Variants in MTFR2 observed in about 807,000 individuals in gnomAD.
The protein encoded by MTFR2 is DUF729 domain-containing protein 1.
In MTFR2, 44 loss-of-function variants were observed where a neutral mutation model predicts 41.2. The ratio of observed to expected loss-of-function variants is 1.07; its 90% CI spans 0.84 to 1.37. The LOEUF is 1.37. MTFR2 is among the 40% of genes most tolerant of loss of function. The pLI, the probability that MTFR2 is intolerant of heterozygous loss-of-function variation, is 0.00. For missense variants in MTFR2, 452 were observed against 459.5 expected (o/e 0.98, Z 0.15); for synonymous variants, 141 against 154.6 (o/e 0.91, Z 0.65).
rs1191374600 is a variant in MTFR2, at chr6:136,250,279, A to T, written c.-358T>A. The T allele has an allele frequency of 6.6e-6, 1 of 152,606 alleles. No homozygotes were observed. Among genetic ancestry groups the T allele is most frequent in the African/African-American group, 2.4e-5 (1 of 41,450 alleles). 9.5% of individuals were successfully genotyped at this position (152,606 alleles called of 1,614,324 possible). On this transcript the variant is annotated 5_prime_UTR_variant, in exon 1 of 8. Coordinates refer to ENST00000420702, the MANE Select transcript of MTFR2 (RefSeq NM_001099286.3). ...ACCAACCCACCTGCTAGTCCCTAGG[A>T]CCGGACTGCTACTTCCGCATGACAG...
At chr6:136,248,348 C>T (rs948448802) in intron 2 of MTFR2, among the ~76,000 whole-genome samples, 4 of 152,150 alleles carry the variant, frequency 2.6e-5, no homozygotes, top group East Asian at 1.9e-4. Context: ...ATTATCCTCA[C>T]GTGTCAAGGG....
Position 136,239,726 on chromosome 6 carries a change from A to G in MTFR2, c.609T>C (p.Gly203=), listed in dbSNP as rs1413029033. ...GAGGAGGAGGAGGAGAAAGCACTGA[A>G]CCTGGAAGCTGATCTGGGTCCACAC... ...HLSVDPDQLP[G]SVLSPPPPPP... is the part of the protein sequence containing the mutation. Residue 203 remains glycine (G), a synonymous_variant, in exon 6 of 8, where the codon GGT becomes GGC. Transcript: ENST00000420702. 6.2e-7 allele frequency: 1 copy of G among 1,614,068 alleles called. No homozygotes were observed. Among genetic ancestry groups the G allele is most frequent in the Admixed American group, 1.7e-5 (1 of 59,986 alleles).
At chr6:136,234,980 G>A (rs900204649) in intron 6 of MTFR2, among the ~76,000 whole-genome samples, 88 of 152,224 alleles carry the variant, frequency 5.8e-4, no homozygotes, top group Non-Finnish European at 2.6e-4. Flanking sequence ...TCCGCCTCCC[G>A]GGCTCAAACA....
At position 136,241,304 on chromosome 6, in the gene MTFR2, GA is replaced by G; in HGVS notation, c.514+139del. Reference sequence around the variant, plus strand: ...TTAATGTTTTCATGGTACTTATTCAGAATTGTACTCACTTAAATACTAGATG... The same window carrying G: ...TTAATGTTTTCATGGTACTTATTCAGATTGTACTCACTTAAATACTAGATG... On this transcript the variant is annotated intron_variant, in intron 5 of 7. Coordinates refer to ENST00000420702, the MANE Select transcript of MTFR2 (RefSeq NM_001099286.3). The G allele has an allele frequency of 4.7e-6, 3 of 634,682 alleles. No individual in the cohort carries two copies. The South Asian group carries it at 6.4e-5, about 14-fold the overall frequency. 39.3% of individuals were successfully genotyped at this position (634,682 alleles called of 1,614,324 possible).
At chr6:136,236,069 G>A (rs1247897385) in intron 6 of MTFR2, among the ~76,000 whole-genome samples, 1 of 152,228 alleles carries the variant, frequency 6.6e-6, no homozygotes, top group Non-Finnish European at 1.5e-5. Flanking sequence ...AGTTTTCAAT[G>A]GAGTTTTCAT....
At chr6:136,240,909 G>A (rs901637896) in intron 5 of MTFR2, among the ~76,000 whole-genome samples, 6 of 152,120 alleles carry the variant, frequency 3.9e-5, no homozygotes, top group South Asian at 2.1e-4. Flanking sequence ...GGCTAACACG[G>A]TGAAACCCCG....
chr6:136,240,905 C>T (rs575263098), intron 5 of MTFR2, among the ~76,000 whole-genome samples: 4 of 152,098 alleles, frequency 2.6e-5, no homozygotes, highest in Non-Finnish European at 2.9e-5. Flanking sequence ...TCCTGGCTAA[C>T]ACGGTGAAAC....
chr6:136,247,248 G>A (rs1780234658), intron 2 of MTFR2, among the ~76,000 whole-genome samples: 2 of 152,150 alleles, frequency 1.3e-5, no homozygotes, highest in African/African-American at 2.4e-5. Context: ...CTACGCGGGA[G>A]GCTGGGGCAG....
intron 5 of MTFR2, 58 bp downstream of exon 5, chr6:136,241,386 G>T: frequency 7.3e-7 from 1 of 1,366,142 alleles, no homozygotes; most frequent in Non-Finnish European, 1.0e-6. Context: ...TGTACAGGTT[G>T]GTATAGGCTA....
chr6:136,240,626 T>C (rs2128458211), intron 5 of MTFR2, among the ~76,000 whole-genome samples: 1 of 152,278 alleles, frequency 6.6e-6, no homozygotes, highest in Non-Finnish European at 1.5e-5. Context: ...GCAAGTTGTA[T>C]CTCTATAAAT....
chr6:136,249,134 C>T lies in MTFR2; in HGVS notation c.-35G>A. The T allele has an allele frequency of 2.0e-6, 3 of 1,538,342 alleles. No homozygotes were observed. Among genetic ancestry groups the T allele is most frequent in the Non-Finnish European group, 2.6e-6 (3 of 1,147,330 alleles). On this transcript the variant is annotated 5_prime_UTR_variant, in exon 2 of 8. The change abolishes an upstream ATG in the 5' untranslated region. Transcript: ENST00000420702. ...AAATACAGAAGCCAATTCAAAGGAA[C>T]ATTATCAGTTTCTTGGTGCCTTTGG...
chr6:136,247,564 TAAAAGA>T (rs974038077), intron 2 of MTFR2: 1 of 455,886 alleles, frequency 2.2e-6, no homozygotes, highest in South Asian at 1.6e-5. Context: ...CTTCTAACTT[TAAAAGA>T]AAAAGAAAAA....
chr6:136,233,329 G>C lies in MTFR2; in HGVS notation c.1040C>G (p.Ser347Ter), dbSNP rs1779814891. ...TTTTACATTAGTGTAGCTTACCCTT[G>C]AAGTTTCTGGACTAGAAAATGGGGA... ...ESSPFSSPET[S>*]RFGHHISQSE... The change falls in exon 7 of 8, where the codon TCA becomes TGA. Residue 347 changes from serine (S) to a stop codon, truncating the protein, a stop_gained. Transcript: ENST00000420702. LOFTEE classifies it high-confidence loss of function. 6.2e-7 allele frequency: 1 copy of C among 1,611,748 alleles called. No homozygotes were observed. Among genetic ancestry groups the C allele is most frequent in the African/African-American group, 1.3e-5 (1 of 74,992 alleles).
At chr6:136,236,746 A>G (rs1225743699) in intron 6 of MTFR2, among the ~76,000 whole-genome samples, 1 of 152,206 alleles carries the variant, frequency 6.6e-6, no homozygotes, top group Non-Finnish European at 1.5e-5. Flanking sequence ...TCACAACCTC[A>G]TTAAAAACAG....
chr6:136,231,377 G>T lies in MTFR2; in HGVS notation c.1056C>A (p.His352Gln). 1 of 1,604,306 alleles carries T rather than the reference G, an allele frequency of 6.2e-7. No homozygotes were observed. Among genetic ancestry groups the T allele is most frequent in the Non-Finnish European group, 8.5e-7 (1 of 1,174,228 alleles). Residue 352 changes from histidine to glutamine, a missense_variant, in exon 8 of 8, where the codon CAC (histidine) becomes CAA (glutamine). By Grantham distance (24) the His-to-Gln change is conservative. Coordinates refer to ENST00000420702, the MANE Select transcript of MTFR2 (RefSeq NM_001099286.3). The stretch of plus-strand genomic sequence containing the variant: ...TTCGCTGTCCTTCTGACTGTGAAAT[G>T]TGATGTCCAAACTGAAATAAAGCAA... ...SSPETSRFGHHISQSEGQRTK... is the reference protein window; with the variant it reads ...SSPETSRFGHQISQSEGQRTK...
chr6:136,240,865 GCA>G (rs1385122872), intron 5 of MTFR2, among the ~76,000 whole-genome samples: 3 of 152,208 alleles, frequency 2.0e-5, no homozygotes, highest in Non-Finnish European at 2.9e-5. Context: ...GCCAAGGCGG[GCA>G]GATCACGAGG....
chr6:136,244,206 G>C (rs1463991058), intron 3 of MTFR2, among the ~76,000 whole-genome samples: 1 of 152,180 alleles, frequency 6.6e-6, no homozygotes, highest in East Asian at 1.9e-4. Flanking sequence ...GTAGTGTACA[G>C]TAATGTCCTA....
At chr6:136,234,304 CAAA>C (rs1192464627) in intron 6 of MTFR2, among the ~76,000 whole-genome samples, 4 of 56,364 alleles carry the variant, frequency 7.1e-5, no homozygotes, top group Admixed American at 4.0e-4. Flanking sequence ...CACCCTGTCT[CAAA>C]AAAAAAAAAA....
At chr6:136,231,669 T>TAAAAAAAAA (rs71006791) in intron 7 of MTFR2, among the ~76,000 whole-genome samples, 19 of 82,928 alleles carry the variant, frequency 2.3e-4, no homozygotes, top group African/African-American at 7.5e-4. Flanking sequence ...AAAAACTATG[T>TAAAAAAAAA]AAAAAAAAAA....
Sources: allele counts gnomAD v4.1 joint callset (sites outside exome capture counted in the v4.1 genomes callset), GRCh38; gene constraint gnomAD v4.1.1; transcripts MANE v1.5; gene names NCBI Gene and HGNC (gene_info 2026-07-23, HGNC 2026-07-21).